Variants in MDGA2 observed in about 807,000 individuals in gnomAD.
The protein encoded by MDGA2 is MAM domain-containing glycosylphosphatidylinositol anchor protein 2.
A neutral mutation model predicts 117.8 loss-of-function variants in MDGA2; 40 were observed. The observed-to-expected ratio is 0.34, with a 90% CI of 0.26 to 0.44. The LOEUF is 0.44. Ranked by LOEUF, MDGA2 falls within the 20% of genes least tolerant of loss-of-function variation. MDGA2 has a pLI of 1.00. For missense variants in MDGA2, 1,123 were observed against 1,250.6 expected (o/e 0.90, Z 1.54); for synonymous variants, 452 against 439.0 (o/e 1.03, Z -0.37).
At chr14:47,159,747 T>A (rs1338362822) in intron 3 of MDGA2, among the ~76,000 whole-genome samples, 1 of 152,196 alleles carries the variant, frequency 6.6e-6, no homozygotes, top group African/African-American at 2.4e-5. Flanking sequence ...TTTTCTAGAT[T>A]TTTGCTTCCT....
At chr14:47,513,524 T>C (rs144513456) in intron 1 of MDGA2, among the ~76,000 whole-genome samples, 1 of 152,190 alleles carries the variant, frequency 6.6e-6, no homozygotes, top group Non-Finnish European at 1.5e-5. Flanking sequence ...ACTAGCAATT[T>C]TTAGTGATTT....
chr14:46,899,924 G>T (rs955343859), intron 10 of MDGA2, among the ~76,000 whole-genome samples: 1 of 151,892 alleles, frequency 6.6e-6, no homozygotes, highest in Admixed American at 6.6e-5. Context: ...AAGAAGTAAA[G>T]AAATATGTAG....
rs375690311 is a variant in MDGA2, at chr14:46,983,377, A to C, written c.1820-25734T>G. 1.4e-4 allele frequency among the ~76,000 whole-genome samples: 21 copies of C among 152,204 alleles called. No homozygotes were observed. The East Asian group carries it at 3.1e-3, about 22-fold the overall frequency. ...TTTAATTTTTAAATAAAATTTTCTG[A>C]AATTTTCTTCACAGTTATATTTTAT... On this transcript the variant is annotated intron_variant, in intron 8 of 16. Coordinates refer to ENST00000399232, the MANE Select transcript of MDGA2 (RefSeq NM_001113498.3).
intron 1 of MDGA2, among the ~76,000 whole-genome samples, chr14:47,435,961 T>C (rs1168148365): frequency 1.3e-5 from 2 of 152,118 alleles, no homozygotes; most frequent in Middle Eastern, 3.2e-3. Context: ...TGGGCTTTTT[T>C]CTGGGGCTCT....
intron 1 of MDGA2, among the ~76,000 whole-genome samples, chr14:47,459,898 GAATTA>G (rs1316972399): frequency 2.0e-5 from 3 of 152,032 alleles, no homozygotes; most frequent in Non-Finnish European, 4.4e-5. Context: ...AAGAAGAATA[GAATTA>G]AATTTTTCAA....
At chr14:47,282,139 C>G (rs1888513011) in intron 2 of MDGA2, among the ~76,000 whole-genome samples, 1 of 151,596 alleles carries the variant, frequency 6.6e-6, no homozygotes, top group African/African-American at 2.4e-5. Flanking sequence ...AAATGCTAGA[C>G]TCTTTATTAT....
intron 1 of MDGA2, among the ~76,000 whole-genome samples, chr14:47,470,613 T>A (rs1893705083): frequency 6.6e-6 from 1 of 152,280 alleles, no homozygotes; most frequent in South Asian, 2.1e-4. Flanking sequence ...TGATTTATAA[T>A]CCTTTGGATA....
intron 3 of MDGA2, among the ~76,000 whole-genome samples, chr14:47,159,012 G>A (rs1158575090): frequency 6.6e-6 from 1 of 152,158 alleles, no homozygotes; most frequent in East Asian, 1.9e-4. Context: ...ACAGTAAAAA[G>A]GCCAGTGGTT....
At chr14:47,456,909 A>C (rs1452274093) in intron 1 of MDGA2, among the ~76,000 whole-genome samples, 4 of 152,122 alleles carry the variant, frequency 2.6e-5, no homozygotes, top group African/African-American at 4.8e-5. Context: ...CTCAAAAAAA[A>C]AAACAAACCC....
chr14:47,594,963 A>C (rs909476534), intron 1 of MDGA2, among the ~76,000 whole-genome samples: 6 of 152,092 alleles, frequency 3.9e-5, no homozygotes, highest in African/African-American at 7.2e-5. Context: ...ATTAGTACTT[A>C]TTCTCCTCAC....
chr14:46,864,189 G>C (rs1326890053), intron 14 of MDGA2, among the ~76,000 whole-genome samples: 1 of 150,056 alleles, frequency 6.7e-6, no homozygotes, highest in Non-Finnish European at 1.5e-5. Context: ...GAAAAGTTTT[G>C]GAATGGTAGA....
chr14:46,890,032 C>G (rs773934880), intron 10 of MDGA2, among the ~76,000 whole-genome samples: 1 of 151,962 alleles, frequency 6.6e-6, no homozygotes, highest in Non-Finnish European at 1.5e-5. Flanking sequence ...CTTTACCATG[C>G]CTGGAACTCT....
At chr14:47,664,685 C>G (rs994546504) in intron 1 of MDGA2, among the ~76,000 whole-genome samples, 2 of 152,208 alleles carry the variant, frequency 1.3e-5, no homozygotes, top group African/African-American at 4.8e-5. Context: ...GCACATACCT[C>G]TCTTTTCACA....
chr14:47,553,099 G>A (rs933094366), intron 1 of MDGA2, among the ~76,000 whole-genome samples: 6 of 151,270 alleles, frequency 4.0e-5, no homozygotes, highest in South Asian at 4.1e-4. Flanking sequence ...AACCTGAGGC[G>A]GCCCTAACCT....
intron 1 of MDGA2, among the ~76,000 whole-genome samples, chr14:47,622,044 C>T (rs749262689): frequency 2.6e-4 from 40 of 152,112 alleles, no homozygotes; most frequent in Admixed American, 1.4e-3. Context: ...TTCATATGAG[C>T]TATTATAACA....
intron 1 of MDGA2, among the ~76,000 whole-genome samples, chr14:47,335,323 G>T (rs1250827284): frequency 6.6e-6 from 1 of 150,488 alleles, no homozygotes; most frequent in South Asian, 2.1e-4. Flanking sequence ...AGGTTGAGGG[G>T]TTGCAATTTT....
intron 3 of MDGA2, among the ~76,000 whole-genome samples, chr14:47,166,033 C>CTTTTTTTT (rs35219016): frequency 8.7e-6 from 1 of 115,514 alleles, no homozygotes; most frequent in Admixed American, 9.0e-5. Flanking sequence ...GCACTGTTTA[C>CTTTTTTTT]TTTTTTTTTT....
chr14:46,981,174 G>C (rs528324293), intron 8 of MDGA2, among the ~76,000 whole-genome samples: 10 of 151,602 alleles, frequency 6.6e-5, no homozygotes, highest in South Asian at 2.1e-4. Context: ...GAGGCCAAGG[G>C]GGGGGCGGAT....
At chr14:47,002,557 G>A (rs1285535509) in intron 8 of MDGA2, among the ~76,000 whole-genome samples, 1 of 151,836 alleles carries the variant, frequency 6.6e-6, no homozygotes, top group Non-Finnish European at 1.5e-5. Context: ...GCAAAACCCT[G>A]TCTCTAATAA....
Sources: gnomAD v4.1 joint callset for allele counts (sites outside exome capture counted in the v4.1 genomes callset) on GRCh38, gnomAD v4.1.1 for gene constraint, MANE v1.5 for transcripts, NCBI Gene and HGNC (gene_info 2026-07-23, HGNC 2026-07-21) for gene names.